Variants in RASA1 observed in about 807,000 individuals in gnomAD.
The protein encoded by RASA1 is RAS p21 protein activator 1, also known as ras GTPase-activating protein 1.
A neutral mutation model predicts 132.2 loss-of-function variants in RASA1; 25 were observed. That is an observed-to-expected ratio of 0.19 (90% confidence interval 0.14 to 0.26). The LOEUF (loss-of-function observed/expected upper bound fraction) is 0.26. RASA1 is among the 10% of genes least tolerant of loss of function. The pLI, the probability that RASA1 is intolerant of heterozygous loss-of-function variation, is 1.00. For synonymous variants in RASA1, 477 were observed against 449.9 expected (o/e 1.06, Z -0.76); for missense variants, 964 against 1,299.2 (o/e 0.74, Z 3.97).
Position 87,269,430 on chromosome 5 carries a change from G to GA in RASA1, c.539+445dup. The GA allele has an allele frequency of 2.9e-6, 3 of 1,027,164 alleles. No individual in the cohort carries two copies. In the East Asian group the frequency reaches 7.8e-5, roughly 27 times the overall value. 63.6% of individuals were successfully genotyped at this position (1,027,164 alleles called of 1,614,324 possible). A position where few individuals can be genotyped will look rare whatever the true frequency, so the allele number is the denominator to read the frequency against. ...TAAACGAGTACTATAGTAATAATTT[G>GA]AAAAATGTATTGGTTAGAATGTTTT... On this transcript the variant is annotated intron_variant, in intron 1 of 24. Coordinates refer to ENST00000274376, the MANE Select transcript of RASA1 (RefSeq NM_002890.3).
chr5:87,357,383 A>G (rs1759731208), intron 9 of RASA1, among the ~76,000 whole-genome samples: 1 of 152,074 alleles, frequency 6.6e-6, no homozygotes, highest in South Asian at 2.1e-4. Context: ...CTGTATCCTC[A>G]ATTCTAATTC....
At chr5:87,338,520 T>TAC (rs1561292345) in intron 5 of RASA1, among the ~76,000 whole-genome samples, 32 of 100,880 alleles carry the variant, frequency 3.2e-4, no homozygotes, top group African/African-American at 1.1e-3. Context: ...TATATATATA[T>TAC]ATATATATAT....
At position 87,268,223 on chromosome 5, in the gene RASA1, G is replaced by C. The variant is rs1313957099; in HGVS notation, c.-229G>C. ...GTGAGGTTTGGGTGGCGTTTGTGCA[G>C]GCGTTGGGTTTTTTGCCCACTTGGC... is the stretch of plus-strand genomic sequence containing the variant. On this transcript the variant is annotated 5_prime_UTR_variant, in exon 1 of 25. Transcript: ENST00000274376. The C allele has an allele frequency of 3.3e-6, 2 of 599,230 alleles. No homozygotes were observed. The highest frequency in any genetic ancestry group is 5.8e-6 in the Non-Finnish European group (2 of 347,778). The allele number at this position is 599,230 out of a possible 1,614,324, so 37.1% of individuals were successfully genotyped here.
In RASA1 at chr5:87,338,498, ATT is replaced by A. The variant is rs1417227027; in HGVS notation, c.1017+410_1017+411del. On this transcript the variant is annotated intron_variant, in intron 5 of 24. Coordinates refer to ENST00000274376, the MANE Select transcript of RASA1 (RefSeq NM_002890.3). The stretch of plus-strand genomic sequence containing the variant: ...AGACATGTGCCACCATGCCCAGCTA[ATT>A]TTATATATATATATATATATATATA... Among the ~76,000 whole-genome samples the A allele has an allele frequency of 3.0e-4, 15 of 50,156 alleles. No individual in the cohort carries two copies. The East Asian group carries it at 3.5e-3, about 12-fold the overall frequency. The allele number at this position is 50,156 out of a possible 152,430, so 32.9% of individuals were successfully genotyped here.
chr5:87,290,004 C>T (rs1337450836), intron 1 of RASA1, among the ~76,000 whole-genome samples: 1 of 151,990 alleles, frequency 6.6e-6, no homozygotes. Context: ...CCTTATATCC[C>T]ATCAACTCTT....
At chr5:87,347,062 A>G (rs1758918705) in intron 7 of RASA1, among the ~76,000 whole-genome samples, 1 of 151,948 alleles carries the variant, frequency 6.6e-6, no homozygotes, top group African/African-American at 2.4e-5. Context: ...AACATGCAAC[A>G]CACTTTTTTC....
At chr5:87,285,764 G>T (rs964000275) in intron 1 of RASA1, among the ~76,000 whole-genome samples, 1 of 151,130 alleles carries the variant, frequency 6.6e-6, no homozygotes, top group Non-Finnish European at 1.5e-5. Context: ...GATCATAGGC[G>T]CACACCACCA....
chr5:87,375,813 A>G (rs1160463800), intron 15 of RASA1, among the ~76,000 whole-genome samples: 2 of 152,212 alleles, frequency 1.3e-5, no homozygotes, highest in African/African-American at 4.8e-5. Flanking sequence ...TAACAGATCA[A>G]AGCCTGAATA....
intron 18 of RASA1, among the ~76,000 whole-genome samples, chr5:87,379,313 T>C (rs1360506718): frequency 1.3e-5 from 2 of 152,176 alleles, no homozygotes; most frequent in African/African-American, 4.8e-5. Flanking sequence ...AGAGATAGGC[T>C]ACGGAATTCC....
chr5:87,385,061 T>A (rs902703617), intron 21 of RASA1, among the ~76,000 whole-genome samples: 1 of 152,114 alleles, frequency 6.6e-6, no homozygotes, highest in East Asian at 1.9e-4. Context: ...GTAGTACCCT[T>A]TTCGCAAGCC....
intron 1 of RASA1, among the ~76,000 whole-genome samples, chr5:87,276,961 A>G (rs1754085804): frequency 6.6e-6 from 1 of 152,176 alleles, no homozygotes; most frequent in South Asian, 2.1e-4. Context: ...TCCGATTCTC[A>G]TACTGTTTCA....
chr5:87,331,083 G>T (rs761123424), intron 1 of RASA1: 134 of 973,020 alleles, frequency 1.4e-4, no homozygotes, highest in Non-Finnish European at 1.9e-4. Flanking sequence ...AATCCTGGAA[G>T]TAGGGAGATG....
intron 1 of RASA1, among the ~76,000 whole-genome samples, chr5:87,294,002 A>AT (rs199579381): frequency 0.021 from 3,198 of 151,026 alleles, 48 homozygotes; most frequent in Non-Finnish European, 0.03. Flanking sequence ...AGTTTTATTG[A>AT]TTTTTTCAGA....
Position 87,372,112 on chromosome 5 carries a change from T to C in RASA1, c.1699-6T>C. The C allele has an allele frequency of 6.2e-7, 1 of 1,612,980 alleles. No individual in the cohort carries two copies. The highest frequency in any genetic ancestry group is 1.3e-5 in the African/African-American group (1 of 74,954). ...TATTTCTTTGAAGTGCTGTTTTTCTTTGCAGGATTGGATGAAAGGTCTGCA... is the reference window on the plus strand; with the variant it reads ...TATTTCTTTGAAGTGCTGTTTTTCTCTGCAGGATTGGATGAAAGGTCTGCA... On this transcript the variant is annotated splice_region_variant and splice_polypyrimidine_tract_variant and intron_variant, in intron 12 of 24. Transcript: ENST00000274376.
rs753263145 is a variant in RASA1 at position 87,383,786 on chromosome 5, C to G, written c.2758+6C>G. The G allele has an allele frequency of 1.2e-6, 2 of 1,603,690 alleles. No individual in the cohort carries two copies. The highest frequency in any genetic ancestry group is 1.1e-5 in the South Asian group (1 of 90,286). On this transcript the variant is annotated splice_donor_region_variant and intron_variant, in intron 21 of 24. Coordinates refer to ENST00000274376, the MANE Select transcript of RASA1 (RefSeq NM_002890.3). ...GATGTTCAATATCATCTCAGGTAAT[C>G]AGCTTTTGATACATTTTGAAATTCA...
In RASA1 at chr5:87,268,150, T is replaced by C. The variant is rs930219893; in HGVS notation, c.-302T>C. Reference sequence around the variant, plus strand: ...TTTCCTCTTTAGTGCAGCGAGGAAGTTTTCGCTTCTGTACATGTGTTTGTG... The same window carrying C: ...TTTCCTCTTTAGTGCAGCGAGGAAGCTTTCGCTTCTGTACATGTGTTTGTG... On this transcript the variant is annotated 5_prime_UTR_variant, in exon 1 of 25. Transcript: ENST00000274376. 1 of 437,272 alleles carries C rather than the reference T, an allele frequency of 2.3e-6. No individual in the cohort carries two copies. Among genetic ancestry groups the C allele is most frequent in the East Asian group, 3.3e-5 (1 of 29,910 alleles). 27.1% of individuals were successfully genotyped at this position (437,272 alleles called of 1,614,324 possible).
intron 1 of RASA1, among the ~76,000 whole-genome samples, chr5:87,312,588 G>C (rs986120608): frequency 1.3e-5 from 2 of 152,090 alleles, no homozygotes; most frequent in African/African-American, 4.8e-5. Context: ...CTTTTCGCTG[G>C]GTCTCCTCTT....
chr5:87,353,943 A>C (rs1449966129), intron 9 of RASA1, among the ~76,000 whole-genome samples: 1 of 152,106 alleles, frequency 6.6e-6, no homozygotes, highest in Non-Finnish European at 1.5e-5. Flanking sequence ...AAGGTGCTTC[A>C]AAAGACGGAT....
At chr5:87,386,691 T>C (rs915585755) in intron 22 of RASA1, 135 bp from the exon 23 acceptor site, 2 of 721,608 alleles carry the variant, frequency 2.8e-6, no homozygotes, top group African/African-American at 1.7e-5. Flanking sequence ...GCTACATGTA[T>C]GGGTTTTGCT....
Sources: gnomAD v4.1 joint callset for allele counts (sites outside exome capture counted in the v4.1 genomes callset) on GRCh38, gnomAD v4.1.1 for gene constraint, MANE v1.5 for transcripts, NCBI Gene and HGNC (gene_info 2026-07-23, HGNC 2026-07-21) for gene names.